Variants in ETHE1 observed in about 807,000 individuals in gnomAD.
ETHE1 encodes ETHE1 persulfide dioxygenase.
A neutral mutation model predicts 25.7 loss-of-function variants in ETHE1; 16 were observed. The observed-to-expected ratio is 0.62, with a 90% CI of 0.42 to 0.95. ETHE1 has a LOEUF of 0.95. Among genes scored for constraint, ETHE1 ranks in the 40% least tolerant of loss-of-function variants. The pLI is 0.00. For synonymous variants in ETHE1, 139 were observed against 135.9 expected, an observed-to-expected ratio of 1.02 and a Z score of -0.16; for missense variants, 300 against 333.6, an observed-to-expected ratio of 0.90 and a Z score of 0.79.
At position 43,506,744 on chromosome 19, in the gene ETHE1, G is replaced by A. The variant is rs1599977832; in HGVS notation, c.*106C>T. 10 of 1,104,248 alleles carry A rather than the reference G, an allele frequency of 9.1e-6. No homozygotes were observed. In the South Asian group the frequency reaches 1.1e-4, roughly 12 times the overall value. The allele number at this position is 1,104,248 out of a possible 1,614,324, so 68.4% of individuals were successfully genotyped here. On this transcript the variant is annotated 3_prime_UTR_variant, in exon 7 of 7. Transcript: ENST00000292147. ...TCACGTTAAAAAAAGTTTTATTTAG[G>A]GAGCTCCAGGGAATGCGGTGGGAAA...
intron 3 of ETHE1, 137 bp from the exon 4 acceptor site, chr19:43,511,703 CTTATATTAT>C: frequency 1.0e-6 from 1 of 965,380 alleles, no homozygotes; most frequent in Non-Finnish European, 1.5e-6. Flanking sequence ...AGGCTGTAAT[CTTATATTAT>C]CAGAGTAAAC....
intron 3 of ETHE1, among the ~76,000 whole-genome samples, chr19:43,519,815 T>C (rs1311519297): frequency 6.6e-6 from 1 of 152,156 alleles, no homozygotes; most frequent in East Asian, 1.9e-4. Flanking sequence ...CCGCAGATAG[T>C]ACAGAACCCT....
At chr19:43,520,726 CT>C (rs1461852002) in intron 3 of ETHE1, among the ~76,000 whole-genome samples, 1 of 151,656 alleles carries the variant, frequency 6.6e-6, no homozygotes, top group Non-Finnish European at 1.5e-5. Context: ...TTTTTTTCAG[CT>C]TTTCTCTATG....
intron 3 of ETHE1, chr19:43,525,962 T>C: frequency 1.7e-6 from 1 of 597,688 alleles, no homozygotes; most frequent in Non-Finnish European, 2.9e-6. Flanking sequence ...AGGAAACTCC[T>C]TAAATGCTGT....
rs371198079 is a variant in ETHE1, at chr19:43,526,224, C to A, written c.352G>T (p.Asp118Tyr). 1.2e-6 allele frequency: 2 copies of A among 1,614,168 alleles called. No individual in the cohort carries two copies. Among genetic ancestry groups the A allele is most frequent in the Non-Finnish European group, 1.7e-6 (2 of 1,180,044 alleles). Residue 118 changes from aspartate (D) to tyrosine (Y), a missense_variant, in exon 3 of 7, where the codon GAC (aspartate) becomes TAC (tyrosine). Physicochemically the swap from Asp to Tyr is radical, Grantham distance 160 (BLOSUM62 -3). Coordinates refer to ENST00000292147, the MANE Select transcript of ETHE1 (RefSeq NM_014297.5). ...AQADLHIEDG[D>Y]SIRFGRFALE... The stretch of plus-strand genomic sequence containing the variant: ...ACGAAGCGCCCGAAGCGGATGGAGT[C>A]TCCATCCTCAATGTGTAAGTCAGCC...
chr19:43,510,641 T>G (rs1235693284), intron 4 of ETHE1, among the ~76,000 whole-genome samples: 9 of 149,320 alleles, frequency 6.0e-5, no homozygotes, highest in Non-Finnish European at 1.2e-4. Flanking sequence ...CCCTTTGTTT[T>G]TTTTTTTTTT....
At chr19:43,526,007 A>C in intron 3 of ETHE1, 194 bp downstream of exon 3, 1 of 713,696 alleles carries the variant, frequency 1.4e-6, no homozygotes, top group Non-Finnish European at 2.3e-6. Context: ...CCACCTGCCC[A>C]GAGCCTCTTG....
Position 43,508,846 on chromosome 19 carries a change from T to C in ETHE1, c.524A>G (p.Tyr175Cys). 1 of 1,607,058 alleles carries C rather than the reference T, an allele frequency of 6.2e-7. No homozygotes were observed. The highest frequency in any genetic ancestry group is 8.5e-7 in the Non-Finnish European group (1 of 1,177,012). The change falls in exon 5 of 7, where the codon TAC becomes TGC. Residue 175 changes from tyrosine to cysteine, a missense_variant. By Grantham distance (194) the Tyr-to-Cys change is radical. Coordinates refer to ENST00000292147, the MANE Select transcript of ETHE1 (RefSeq NM_014297.5). ...GAAGATCTTTTCATGGACCGAGTGG[T>C]ACAAGGTCTTGGCACAGCCTGGGGA... ...DFQQGCAKTL[Y>C]HSVHEKIFTL... is the part of the protein sequence containing the mutation.
intron 3 of ETHE1, among the ~76,000 whole-genome samples, chr19:43,523,420 G>A (rs540452683): frequency 2.0e-5 from 3 of 151,972 alleles, no homozygotes; most frequent in African/African-American, 7.2e-5. Context: ...GGGATTACAG[G>A]TGCCTCACCA....
At chr19:43,515,641 C>T (rs980733746) in intron 3 of ETHE1, among the ~76,000 whole-genome samples, 1 of 152,064 alleles carries the variant, frequency 6.6e-6, no homozygotes, top group South Asian at 2.1e-4. Flanking sequence ...ATGGCATGAT[C>T]CTGGCTCACT....
In ETHE1 at chr19:43,526,676, C is replaced by A; in HGVS notation, c.82-17G>T. 1 of 1,612,774 alleles carries A rather than the reference C, an allele frequency of 6.2e-7. No individual in the cohort carries two copies. Among genetic ancestry groups the A allele is most frequent in the Non-Finnish European group, 8.5e-7 (1 of 1,180,024 alleles). On this transcript the variant is annotated splice_polypyrimidine_tract_variant and intron_variant, in intron 1 of 6. Coordinates refer to ENST00000292147, the MANE Select transcript of ETHE1 (RefSeq NM_014297.5). Reference sequence around the variant, plus strand: ...CTCGAACATCTGGGAACGGGGGACCCAGGTGAGGGCGCAGAACCGGACTTC... The same window carrying A: ...CTCGAACATCTGGGAACGGGGGACCAAGGTGAGGGCGCAGAACCGGACTTC...
intron 4 of ETHE1, among the ~76,000 whole-genome samples, chr19:43,510,362 G>T (rs1244255387): frequency 7.4e-6 from 1 of 134,900 alleles, no homozygotes; most frequent in Non-Finnish European, 1.5e-5. Context: ...TTGAGATGAA[G>T]TCTCACTCTG....
chr19:43,524,465 T>C (rs1015710771), intron 3 of ETHE1, among the ~76,000 whole-genome samples: 1 of 147,722 alleles, frequency 6.8e-6, no homozygotes, highest in Non-Finnish European at 1.5e-5. Context: ...CTAAGGGGTG[T>C]GGGGTCTTTT....
In ETHE1 at chr19:43,520,594, G is replaced by A. The variant is rs542693197; in HGVS notation, c.375+5607C>T. On this transcript the variant is annotated intron_variant, in intron 3 of 6. Coordinates refer to ENST00000292147, the MANE Select transcript of ETHE1 (RefSeq NM_014297.5). ...TGCACACCTGTAGTTCCAGCTATTT[G>A]GAAGCCTGAGGCAGGAGGATCGCTT... Among the ~76,000 whole-genome samples the A allele has an allele frequency of 3.3e-5, 5 of 152,086 alleles. No individual in the cohort carries two copies. The East Asian group carries it at 9.7e-4, about 29-fold the overall frequency.
chr19:43,525,177 A>G (rs1972216396), intron 3 of ETHE1, among the ~76,000 whole-genome samples: 1 of 152,102 alleles, frequency 6.6e-6, no homozygotes, highest in South Asian at 2.1e-4. Context: ...CACTGAAGCT[A>G]AATCTACCAT....
chr19:43,511,847 A>G (rs1185552620), intron 3 of ETHE1, among the ~76,000 whole-genome samples: 1 of 152,146 alleles, frequency 6.6e-6, no homozygotes, highest in Non-Finnish European at 1.5e-5. Flanking sequence ...CTGTGTCCCC[A>G]CCCAAATCTC....
intron 3 of ETHE1, among the ~76,000 whole-genome samples, chr19:43,518,996 C>T (rs1032995962): frequency 1.7e-4 from 14 of 81,098 alleles, no homozygotes; most frequent in Admixed American, 4.4e-4. Context: ...GAAATTTGTG[C>T]TTGTTTTTTT....
intron 5 of ETHE1, 123 bp from the exon 6 acceptor site, chr19:43,508,183 A>C (rs1296514776): frequency 9.5e-6 from 14 of 1,478,584 alleles, no homozygotes; most frequent in Admixed American, 2.0e-5. Context: ...TATTCCTAAA[A>C]TTGCTTTCCC....
chr19:43,517,277 T>C (rs1486516210), intron 3 of ETHE1, among the ~76,000 whole-genome samples: 1 of 100,706 alleles, frequency 9.9e-6, no homozygotes, highest in Non-Finnish European at 2.1e-5. Flanking sequence ...TGCCCAACTG[T>C]AGGCTAATGT....
Sources: gnomAD v4.1 joint callset for allele counts (sites outside exome capture counted in the v4.1 genomes callset) on GRCh38, gnomAD v4.1.1 for gene constraint, MANE v1.5 for transcripts, NCBI Gene and HGNC (gene_info 2026-07-23, HGNC 2026-07-21) for gene names.